ITGA7: variants seen among roughly 807,000 people sequenced by gnomAD.
ITGA7 encodes the protein integrin alpha-7.
In ITGA7, 84 loss-of-function variants were observed where a neutral mutation model predicts 131.6. The ratio of observed to expected loss-of-function variants is 0.64; its 90% CI spans 0.54 to 0.77. The LOEUF is 0.77. Among genes scored for constraint, ITGA7 ranks in the 30% least tolerant of loss-of-function variants. The pLI is 0.00. For missense variants in ITGA7, 1,399 were observed against 1,482.9 expected (o/e 0.94, Z 0.93); for synonymous variants, 548 against 600.7 (o/e 0.91, Z 1.28).
intron 19 of ITGA7, 61 bp downstream of exon 19, chr12:55,693,960 G>T: frequency 7.4e-7 from 1 of 1,344,126 alleles, no homozygotes; most frequent in Non-Finnish European, 1.1e-6. Context: ...ACACAGCTCA[G>T]CCTCTCCTCT....
chr12:55,702,115 A>C (rs1874164095), intron 3 of ITGA7, among the ~76,000 whole-genome samples: 1 of 152,108 alleles, frequency 6.6e-6, no homozygotes, highest in Admixed American at 6.5e-5. Context: ...ACCCAGGTTC[A>C]AGTGATTCTC....
At chr12:55,711,672 G>A (rs569494676), upstream of ITGA7, among the ~76,000 whole-genome samples, 11 of 152,120 alleles carry the variant, frequency 7.2e-5, no homozygotes, top group South Asian at 2.3e-3. Context: ...GTATGACTGA[G>A]AAACTGAACT....
At chr12:55,688,328 T>C (rs769002974) in intron 22 of ITGA7, 28 bp from the exon 23 acceptor site, 3 of 1,497,722 alleles carry the variant, frequency 2.0e-6, no homozygotes, top group Non-Finnish European at 1.9e-6. Context: ...GAGACCCTTC[T>C]CCTAAATGCC....
Position 55,694,363 on chromosome 12 carries a change from A to AG in ITGA7, c.2358-34dup. The AG allele has an allele frequency of 6.2e-7, 1 of 1,613,230 alleles. No individual in the cohort carries two copies. ...GTGGGCAGGGGCAAGTATGGGCATC[A>AG]GGCACAGGCACCTCCCAAGGGGTCA... is the stretch of plus-strand genomic sequence containing the variant. On this transcript the variant is annotated intron_variant, in intron 17 of 24. Coordinates refer to ENST00000257879, the MANE Select transcript of ITGA7 (RefSeq NM_002206.3). This position sits in a 1 kb window ranked among gnomAD's most constrained non-coding sequence, Gnocchi z 5.3.
upstream of ITGA7, chr12:55,711,988 C>T: frequency 8.2e-7 from 1 of 1,215,818 alleles, no homozygotes; most frequent in Non-Finnish European, 1.2e-6. Flanking sequence ...GCAACAGAGC[C>T]TTGGAGCTTA....
chr12:55,703,007 C>G (rs547131089), intron 2 of ITGA7, 44 bp downstream of exon 2: 3 of 1,613,850 alleles, frequency 1.9e-6, no homozygotes, highest in African/African-American at 2.7e-5. Context: ...GTCCTCTCCT[C>G]CCCGCTCACA....
rs770857534 is a variant in ITGA7, at chr12:55,686,299, G to A, written c.3184-1011C>T. The A allele has an allele frequency of 5.2e-5, 70 of 1,338,900 alleles. 1 individual carries two copies. Among genetic ancestry groups the A allele is most frequent in the South Asian group, 2.9e-4 (25 of 85,650 alleles). 82.9% of individuals were successfully genotyped at this position (1,338,900 alleles called of 1,614,324 possible). On this transcript the variant is annotated intron_variant, in intron 24 of 24. Coordinates refer to ENST00000257879, the MANE Select transcript of ITGA7 (RefSeq NM_002206.3). ...GGAAAAGATGAGCTCTGGCTGCTCCGATGGAAGAAGCCACACTAGGATGTC... is the reference window on the plus strand; with the variant it reads ...GGAAAAGATGAGCTCTGGCTGCTCCAATGGAAGAAGCCACACTAGGATGTC...
chr12:55,688,994 G>A (rs769925617), intron 21 of ITGA7, 37 bp from the exon 22 acceptor site: 4 of 1,513,608 alleles, frequency 2.6e-6, no homozygotes, highest in Non-Finnish European at 3.7e-6. Context: ...AAGCCACTCA[G>A]CTCAACCCTG....
Position 55,694,292 on chromosome 12 carries a change from G to A in ITGA7, c.2396C>T (p.Ala799Val). ...EQELHPVSAR[A>V]RVFIELPLSI... ...CAGTGGCAGCTCAATGAAGACACGG[G>A]CTCGTGCAGAGACTGGATGCAGCTC... The change falls in exon 18 of 25, where the codon GCC (alanine) becomes GTC (valine). Residue 799 changes from alanine (A) to valine (V), a missense_variant. Coordinates refer to ENST00000257879, the MANE Select transcript of ITGA7 (RefSeq NM_002206.3). This position sits in a 1 kb window ranked among gnomAD's most constrained non-coding sequence, Gnocchi z 5.3. 1 of 1,614,058 alleles carries A rather than the reference G, an allele frequency of 6.2e-7. No individual in the cohort carries two copies. Among genetic ancestry groups the A allele is most frequent in the African/African-American group, 1.3e-5 (1 of 75,076 alleles).
chr12:55,699,711 T>G (rs915525070), intron 5 of ITGA7, 159 bp downstream of exon 5: 1 of 974,084 alleles, frequency 1.0e-6, no homozygotes, highest in Admixed American at 2.0e-5. Context: ...GGCCTGATCA[T>G]TGGACCCAGC....
At chr12:55,702,509 T>C (rs1874278556) in intron 3 of ITGA7, among the ~76,000 whole-genome samples, 1 of 152,104 alleles carries the variant, frequency 6.6e-6, no homozygotes, top group Admixed American at 6.5e-5. Context: ...GAGACAGGGT[T>C]TCGCCATGTT....
rs1277549274 is a variant in ITGA7 at position 55,685,255 on chromosome 12, C to T, written c.3217G>A (p.Ala1073Thr). The change falls in exon 25 of 25, where the codon GCC (alanine) becomes ACC (threonine). Residue 1073 changes from alanine to threonine, a missense_variant. Physicochemically the swap from Ala to Thr is moderately conservative, Grantham distance 58 (BLOSUM62 0). Transcript: ENST00000257879. The stretch of plus-strand genomic sequence containing the variant: ...ACCGCATGGTACTGGGGCACGGTGG[C>T]CTCGGGGTGCTTCGCCCGTTTGAAG... ...GFFKRAKHPE[A>T]TVPQYHAVKI... The T allele has an allele frequency of 1.9e-6, 3 of 1,614,220 alleles. No homozygotes were observed. The South Asian group carries it at 3.3e-5, about 18-fold the overall frequency.
intron 4 of ITGA7, chr12:55,700,656 T>C: frequency 1.5e-6 from 1 of 648,110 alleles, no homozygotes; most frequent in East Asian, 2.7e-5. Context: ...AGGCCCCAGC[T>C]GCAGGCCCAG....
At chr12:55,693,013 A>G (rs763711032) in intron 20 of ITGA7, 38 bp from the exon 21 acceptor site, 1 of 1,613,762 alleles carries the variant, frequency 6.2e-7, no homozygotes, top group African/African-American at 1.3e-5. Context: ...GTGTCCCTCC[A>G]ATCACAGCAG....
In ITGA7 at chr12:55,693,139, A is replaced by T; in HGVS notation, c.2712+2T>A. The T allele has an allele frequency of 3.7e-6, 6 of 1,612,916 alleles. No individual in the cohort carries two copies. The highest frequency in any genetic ancestry group is 5.1e-6 in the Non-Finnish European group (6 of 1,179,422). Reference sequence around the variant, plus strand: ...TAACCCCCACCCCCACCTAAGCCTCACCAGGTGGAGGATGTTGGGCCTGGG... The same window carrying T: ...TAACCCCCACCCCCACCTAAGCCTCTCCAGGTGGAGGATGTTGGGCCTGGG... On this transcript the variant is annotated splice_donor_variant, in intron 20 of 24. Transcript: ENST00000257879. LOFTEE classifies it high-confidence loss of function.
intron 3 of ITGA7, chr12:55,701,386 C>A (rs1347843111): frequency 1.3e-6 from 2 of 1,551,810 alleles, no homozygotes; most frequent in Non-Finnish European, 1.7e-6. Context: ...CACTTCCTTG[C>A]CCTCAAATGG....
At chr12:55,688,738 G>GTT in intron 22 of ITGA7, 106 bp downstream of exon 22, 2 of 844,228 alleles carry the variant, frequency 2.4e-6, no homozygotes, top group African/African-American at 2.2e-5. Context: ...AAAAAAAAAG[G>GTT]GGGGGGATGC....
At chr12:55,690,290 C>T (rs977263477) in intron 21 of ITGA7, among the ~76,000 whole-genome samples, 1 of 152,106 alleles carries the variant, frequency 6.6e-6, no homozygotes. Flanking sequence ...AAACAAACAA[C>T]CCCATCAAAA....
At chr12:55,697,162 C>T in intron 11 of ITGA7, 54 bp downstream of exon 11, 1 of 1,573,158 alleles carries the variant, frequency 6.4e-7, no homozygotes, top group South Asian at 1.2e-5. Flanking sequence ...TCGAAGTGAC[C>T]CCCCTCCCTG....
Sources: gnomAD v4.1 joint callset for allele counts (sites outside exome capture counted in the v4.1 genomes callset) on GRCh38, gnomAD v4.1.1 for gene constraint, Gnocchi (gnomAD v3.1) non-coding constraint, MANE v1.5 for transcripts, NCBI Gene and HGNC (gene_info 2026-07-23, HGNC 2026-07-21) for gene names.